PPP6R3: variants seen among roughly 807,000 people sequenced by gnomAD.
The protein encoded by PPP6R3 is serine/threonine-protein phosphatase 6 regulatory subunit 3.
A neutral mutation model predicts 110.7 loss-of-function variants in PPP6R3; 38 were observed. The observed-to-expected ratio is 0.34, with a 90% CI of 0.26 to 0.45. The LOEUF is 0.45. Ranked by LOEUF, PPP6R3 falls within the 20% of genes least tolerant of loss-of-function variation. The pLI is 1.00. For synonymous variants in PPP6R3, 369 were observed against 373.5 expected, an observed-to-expected ratio of 0.99 and a Z score of 0.14; for missense variants, 870 against 1,062.4, an observed-to-expected ratio of 0.82 and a Z score of 2.52.
rs2153230781 is a variant in PPP6R3, at chr11:68,468,593, G to T, written c.-158+7766G>T. 1.3e-5 allele frequency among the ~76,000 whole-genome samples: 2 copies of T among 152,354 alleles called. 1 individual carries two copies. Among genetic ancestry groups the T allele is most frequent in the South Asian group, 4.1e-4 (2 of 4,824 alleles). On this transcript the variant is annotated intron_variant, in intron 1 of 23. Coordinates refer to ENST00000393800, the MANE Select transcript of PPP6R3 (RefSeq NM_001164161.2). ...GTGAATGATCTCAAGGAGAGAAATGGAGTATTATAGGATCATAGAGAGGCC... is the reference window on the plus strand; with the variant it reads ...GTGAATGATCTCAAGGAGAGAAATGTAGTATTATAGGATCATAGAGAGGCC...
intron 6 of PPP6R3, among the ~76,000 whole-genome samples, chr11:68,553,131 G>A (rs902227497): frequency 1.3e-5 from 2 of 152,096 alleles, no homozygotes; most frequent in Admixed American, 6.5e-5. Context: ...TGTATTGGGA[G>A]CACATTGCTC....
At chr11:68,462,322 A>C (rs2153215608) in intron 1 of PPP6R3, among the ~76,000 whole-genome samples, 1 of 152,318 alleles carries the variant, frequency 6.6e-6, no homozygotes, top group African/African-American at 2.4e-5. Flanking sequence ...TAAAACTATA[A>C]GTTATTTTAA....
intron 1 of PPP6R3, among the ~76,000 whole-genome samples, chr11:68,483,529 C>T (rs986053979): frequency 2.0e-5 from 3 of 152,190 alleles, no homozygotes; most frequent in African/African-American, 7.2e-5. Context: ...GTTTTTTAGA[C>T]TGGAGTGCAG....
At chr11:68,540,305 G>A (rs995668133) in intron 3 of PPP6R3, among the ~76,000 whole-genome samples, 1 of 152,110 alleles carries the variant, frequency 6.6e-6, no homozygotes, top group South Asian at 2.1e-4. Context: ...CTGGGCGTCC[G>A]GGGGAGACAT....
chr11:68,508,537 T>C (rs2099091213), intron 1 of PPP6R3, among the ~76,000 whole-genome samples: 1 of 152,042 alleles, frequency 6.6e-6, no homozygotes, highest in Admixed American at 6.5e-5. Flanking sequence ...GATGGAAAAG[T>C]ACTTGCACAG....
intron 1 of PPP6R3, among the ~76,000 whole-genome samples, chr11:68,478,426 G>GTA (rs1456682833): frequency 6.6e-6 from 1 of 152,020 alleles, no homozygotes; most frequent in Non-Finnish European, 1.5e-5. Context: ...TCCCACTAAA[G>GTA]TATATATATA....
At chr11:68,569,675 T>A (rs778675742) in intron 10 of PPP6R3, 73 bp from the exon 11 acceptor site, 11 of 1,275,288 alleles carry the variant, frequency 8.6e-6, no homozygotes, top group Admixed American at 2.4e-5. Flanking sequence ...TAAATCACTG[T>A]TCTGTAAATG....
At chr11:68,530,902 C>T (rs969934099) in intron 2 of PPP6R3, among the ~76,000 whole-genome samples, 2 of 152,162 alleles carry the variant, frequency 1.3e-5, no homozygotes, top group Non-Finnish European at 2.9e-5. Context: ...AATTCATTGA[C>T]GATCTTGTCA....
At chr11:68,572,086 T>TTTTG (rs924014039) in intron 12 of PPP6R3, among the ~76,000 whole-genome samples, 1 of 152,116 alleles carries the variant, frequency 6.6e-6, no homozygotes, top group Non-Finnish European at 1.5e-5. Context: ...GAAATTGGCA[T>TTTTG]TTTGTTTGTT....
chr11:68,475,336 A>G (rs770804501), intron 1 of PPP6R3, among the ~76,000 whole-genome samples: 4 of 152,160 alleles, frequency 2.6e-5, no homozygotes, highest in Non-Finnish European at 5.9e-5. Context: ...GACAGCAACA[A>G]TCTGATTTCT....
intron 1 of PPP6R3, among the ~76,000 whole-genome samples, chr11:68,491,328 CTGTGTGTGTGTG>C (rs60972668): frequency 0.023 from 2,813 of 123,572 alleles, 33 homozygotes; most frequent in Admixed American, 0.027. Flanking sequence ...GTGTCTTCAG[CTGTGTGTGTGTG>C]TGTGTGTGTG....
intron 4 of PPP6R3, among the ~76,000 whole-genome samples, chr11:68,546,507 C>A (rs2099349894): frequency 6.6e-6 from 1 of 152,190 alleles, no homozygotes; most frequent in Non-Finnish European, 1.5e-5. Context: ...ACTTCCCTGT[C>A]AGGACTGTAT....
intron 18 of PPP6R3, among the ~76,000 whole-genome samples, chr11:68,595,111 T>G (rs1043660003): frequency 9.2e-5 from 14 of 151,680 alleles, no homozygotes; most frequent in Admixed American, 9.2e-4. Flanking sequence ...ACTATAAAAC[T>G]TCTACAAGAA....
rs199787312 is a variant in PPP6R3 at position 68,613,166 on chromosome 11, C to G, written c.*49C>G. On this transcript the variant is annotated 3_prime_UTR_variant, in exon 24 of 24. Coordinates refer to ENST00000393800, the MANE Select transcript of PPP6R3 (RefSeq NM_001164161.2). ...CTGAGGACTGCAGACCGCCACCACT[C>G]AGGGGCTCTGGAGGGGTCAGCTGGA... The G allele has an allele frequency of 6.2e-6, 10 of 1,611,106 alleles. No individual in the cohort carries two copies. In the East Asian group the frequency reaches 2.0e-4, roughly 32 times the overall value.
chr11:68,580,388 C>G (rs1019975662), intron 14 of PPP6R3, among the ~76,000 whole-genome samples: 3 of 152,080 alleles, frequency 2.0e-5, no homozygotes, highest in African/African-American at 7.2e-5. Context: ...GAACAGACTG[C>G]TAGGTGGGGC....
chr11:68,465,495 T>G (rs1426206749), intron 1 of PPP6R3, among the ~76,000 whole-genome samples: 2 of 152,252 alleles, frequency 1.3e-5, no homozygotes, highest in Non-Finnish European at 2.9e-5. Flanking sequence ...TTTTAGCAGC[T>G]AAATGTTAAT....
At chr11:68,596,954 G>A (rs964315347) in intron 19 of PPP6R3, among the ~76,000 whole-genome samples, 1 of 152,166 alleles carries the variant, frequency 6.6e-6, no homozygotes, top group Admixed American at 6.5e-5. Flanking sequence ...CAGTCATCCA[G>A]CAAACTGCCA....
chr11:68,506,946 C>T (rs1322646357), intron 1 of PPP6R3, among the ~76,000 whole-genome samples: 1 of 152,192 alleles, frequency 6.6e-6, no homozygotes, highest in African/African-American at 2.4e-5. Flanking sequence ...TGTACCTTTG[C>T]TGTGCGTCCC....
chr11:68,508,516 GATA>G (rs1375552842), intron 1 of PPP6R3, among the ~76,000 whole-genome samples: 9 of 152,254 alleles, frequency 5.9e-5, no homozygotes, highest in African/African-American at 2.2e-4. Context: ...AAACAGGGAT[GATA>G]ATAATAGGAT....
Sources: allele counts gnomAD v4.1 joint callset (sites outside exome capture counted in the v4.1 genomes callset), GRCh38; gene constraint gnomAD v4.1.1; transcripts MANE v1.5; gene names NCBI Gene and HGNC (gene_info 2026-07-23, HGNC 2026-07-21).